The following ZNF766 variants were observed in gnomAD, a reference collection of about 807,000 sequenced individuals.
ZNF766 encodes zinc finger protein 766.
In ZNF766, 13 loss-of-function variants were observed where a neutral mutation model predicts 13.2. The ratio of observed to expected loss-of-function variants is 0.98; its 90% confidence interval spans 0.64 to 1.56. The LOEUF (loss-of-function observed/expected upper bound fraction) is 1.56. Among genes scored for constraint, ZNF766 ranks in the 40% most tolerant of loss-of-function variants. ZNF766 has a pLI of 0.00. For synonymous variants in ZNF766, 178 were observed against 187.6 expected (o/e 0.95, Z 0.42); for missense variants, 521 against 552.2 (o/e 0.94, Z 0.57).
chr19:52,288,383 T>C (rs60315031), intron 3 of ZNF766, among the ~76,000 whole-genome samples: 2,998 of 152,086 alleles, frequency 0.02, 89 homozygotes, highest in African/African-American at 0.062. Context: ...TTCATTGTAG[T>C]TTAGTTATTT....
Position 52,290,145 on chromosome 19 carries a change from G to C in ZNF766, c.354G>C (p.Leu118=), listed in dbSNP as rs1292847020. ...NQLGLTFQLP[L]PELEIFQGEG... ...TTGGATTAACCTTTCAGTTACCTCTGCCAGAACTGGAGATATTTCAAGGTG... is the reference window on the plus strand; with the variant it reads ...TTGGATTAACCTTTCAGTTACCTCTCCCAGAACTGGAGATATTTCAAGGTG... Residue 118 remains leucine (L), a synonymous_variant, in exon 4 of 4, where the codon CTG becomes CTC. Transcript: ENST00000439461. The C allele has an allele frequency of 1.2e-6, 2 of 1,614,138 alleles. No individual in the cohort carries two copies.
intron 3 of ZNF766, among the ~76,000 whole-genome samples, chr19:52,287,148 T>C (rs1981871610): frequency 1.3e-5 from 2 of 151,538 alleles, no homozygotes; most frequent in Non-Finnish European, 2.9e-5. Flanking sequence ...TCTGCAGTTT[T>C]CTTTTTTTTT....
chr19:52,288,848 T>C (rs767406322), intron 3 of ZNF766, among the ~76,000 whole-genome samples: 3 of 151,872 alleles, frequency 2.0e-5, no homozygotes, highest in Non-Finnish European at 4.4e-5. Flanking sequence ...TTTATTTACT[T>C]TTATTTATTT....
rs917086523 is a variant in ZNF766, at chr19:52,294,699, A to G, written c.*3501A>G. ...GTGTAAAAGGCGTTGGTGTTCAGAC[A>G]TCACAAAATGCAGTCAACTCTAGGA... On this transcript the variant is annotated 3_prime_UTR_variant, in exon 4 of 4. Transcript: ENST00000439461. 6.6e-6 allele frequency: 1 copy of G among 152,206 alleles called. No individual in the cohort carries two copies. Among genetic ancestry groups the G allele is most frequent in the Non-Finnish European group, 1.5e-5 (1 of 68,040 alleles). The allele number at this position is 152,206 out of a possible 1,614,324, so 9.4% of individuals were successfully genotyped here. A position where few individuals can be genotyped will look rare whatever the true frequency, so the allele number is the denominator to read the frequency against.
chr19:52,281,413 G>A, intron 1 of ZNF766: 1 of 277,494 alleles, frequency 3.6e-6, no homozygotes, highest in South Asian at 3.0e-5. Flanking sequence ...TAGCTGCTCG[G>A]GAGGCTGAGG....
Position 52,292,284 on chromosome 19 carries a change from C to G in ZNF766, c.*1086C>G. The stretch of plus-strand genomic sequence containing the variant: ...ATTAAAGATTGTCTGATTTAGAGAC[C>G]ATGGAGGTGGACAGAGAATAACAAA... On this transcript the variant is annotated 3_prime_UTR_variant, in exon 4 of 4. Coordinates refer to ENST00000439461, the MANE Select transcript of ZNF766 (RefSeq NM_001010851.3). 1 of 675,448 alleles carries G rather than the reference C, an allele frequency of 1.5e-6. No homozygotes were observed. Among genetic ancestry groups the G allele is most frequent in the Non-Finnish European group, 2.7e-6 (1 of 374,078 alleles). The allele number at this position is 675,448 out of a possible 1,614,324, so 41.8% of individuals were successfully genotyped here. A position where few individuals can be genotyped will look rare whatever the true frequency, so the allele number is the denominator to read the frequency against.
intron 3 of ZNF766, chr19:52,288,013 AT>A (rs1366621419): frequency 2.5e-6 from 1 of 407,864 alleles, no homozygotes; most frequent in Non-Finnish European, 4.7e-6. Flanking sequence ...CTTAGTGTTC[AT>A]TTTTTTCTTT....
In ZNF766 at chr19:52,283,375, AT is replaced by A; in HGVS notation, c.237del (p.Pro80GlnfsTer18). 6.2e-7 allele frequency: 1 copy of A among 1,611,230 alleles called. No individual in the cohort carries two copies. The highest frequency in any genetic ancestry group is 8.5e-7 in the Non-Finnish European group (1 of 1,178,326). ...TVENEMKVAK[N>X]PDRWEGIKDI... ...GAGAATGAAATGAAAGTAGCAAAAA[AT>A]CCAGATAGGTGGGAAGGTATCAAAG... On this transcript the variant is annotated frameshift_variant, in exon 3 of 4. Coordinates refer to ENST00000439461, the MANE Select transcript of ZNF766 (RefSeq NM_001010851.3). LOFTEE classifies it low-confidence loss of function (END_TRUNC).
Position 52,280,657 on chromosome 19 carries a change from A to G in ZNF766, c.19-1454A>G, listed in dbSNP as rs572325938. ...GAGTGCAGTGGCGTGATCTCAGCTC[A>G]CTGCAGCCTCCGCCTCCTGGGTTCA... On this transcript the variant is annotated intron_variant, in intron 1 of 3. Coordinates refer to ENST00000439461, the MANE Select transcript of ZNF766 (RefSeq NM_001010851.3). Among the ~76,000 whole-genome samples, 236 of 152,054 alleles carry G rather than the reference A, an allele frequency of 1.6e-3. 1 individual carries two copies. Among genetic ancestry groups the G allele is most frequent in the Non-Finnish European group, 3.2e-3 (215 of 67,954 alleles).
chr19:52,290,197 G>A lies in ZNF766; in HGVS notation c.406G>A (p.Val136Ile). The A allele has an allele frequency of 3.1e-6, 5 of 1,613,996 alleles. No homozygotes were observed. Among genetic ancestry groups the A allele is most frequent in the Non-Finnish European group, 1.7e-6 (2 of 1,179,908 alleles). ...GEGKIYECNQ[V>I]QKFISHSSSV... ...AGGGAAGATTTATGAATGTAATCAA[G>A]TTCAAAAGTTCATCAGCCACAGTTC... The change falls in exon 4 of 4, where the codon GTT becomes ATT. Residue 136 changes from valine (V) to isoleucine (I), a missense_variant. Physicochemically the swap from Val to Ile is conservative, Grantham distance 29 (BLOSUM62 3). Transcript: ENST00000439461.
chr19:52,282,041 C>G, intron 1 of ZNF766, 70 bp from the exon 2 acceptor site: 2 of 1,552,030 alleles, frequency 1.3e-6, no homozygotes, highest in Admixed American at 1.8e-5. Context: ...CCTTACAACC[C>G]TCTTCTCATT....
chr19:52,280,754 T>C (rs185784142), intron 1 of ZNF766, among the ~76,000 whole-genome samples: 1 of 151,944 alleles, frequency 6.6e-6, no homozygotes, highest in Non-Finnish European at 1.5e-5. Flanking sequence ...AGCTAATTAT[T>C]ATATTTTTAG....
chr19:52,291,876 A>G lies in ZNF766; in HGVS notation c.*678A>G, dbSNP rs370088872. 14 of 386,492 alleles carry G rather than the reference A, an allele frequency of 3.6e-5. No homozygotes were observed. Among genetic ancestry groups the G allele is most frequent in the East Asian group, 2.5e-4 (6 of 23,588 alleles). The allele number at this position is 386,492 out of a possible 1,614,324, so 23.9% of individuals were successfully genotyped here. A position where few individuals can be genotyped will look rare whatever the true frequency, so the allele number is the denominator to read the frequency against. On this transcript the variant is annotated 3_prime_UTR_variant, in exon 4 of 4. Coordinates refer to ENST00000439461, the MANE Select transcript of ZNF766 (RefSeq NM_001010851.3). ...GGTCACTTGATGCCTGGAGATCAAG[A>G]TAAGTATGGGCAACGTAGCAAGGCC...
At position 52,290,653 on chromosome 19, in the gene ZNF766, C is replaced by T. The variant is rs751310737; in HGVS notation, c.862C>T (p.Arg288Ter). The change falls in exon 4 of 4, where the codon CGA becomes TGA. Residue 288 changes from arginine (R) to a stop codon, truncating the protein, a stop_gained. Transcript: ENST00000439461. LOFTEE classifies it low-confidence loss of function (END_TRUNC). The part of the protein sequence containing the change: ...KVFSRITYLV[R>*]HQKIHTREKP... The stretch of plus-strand genomic sequence containing the variant: ...CTTCAGTCGAATTACATACCTTGTA[C>T]GACATCAGAAAATTCATACTAGAGA... 41 of 1,613,098 alleles carry T rather than the reference C, an allele frequency of 2.5e-5. No homozygotes were observed. Among genetic ancestry groups the T allele is most frequent in the East Asian group, 6.7e-5 (3 of 44,836 alleles).
chr19:52,277,345 G>C, intron 1 of ZNF766: 1 of 977,012 alleles, frequency 1.0e-6, no homozygotes, highest in Non-Finnish European at 1.5e-6. Flanking sequence ...TGTAGTCCCA[G>C]CTACTCAGGA....
rs1369354808 is a variant in ZNF766 at position 52,294,794 on chromosome 19, A to T, written c.*3596A>T. The T allele has an allele frequency of 7.0e-6, 1 of 142,762 alleles. No homozygotes were observed. Among genetic ancestry groups the T allele is most frequent in the African/African-American group, 2.5e-5 (1 of 39,804 alleles). The allele number at this position is 142,762 out of a possible 1,614,324, so 8.8% of individuals were successfully genotyped here. ...AGACTCTGATTTTCTTCATGATAAT[A>T]TCTTACGTTCCTTTTATAGTTACAG... On this transcript the variant is annotated 3_prime_UTR_variant, in exon 4 of 4. Coordinates refer to ENST00000439461, the MANE Select transcript of ZNF766 (RefSeq NM_001010851.3).
At position 52,292,427 on chromosome 19, in the gene ZNF766, G is replaced by A; in HGVS notation, c.*1229G>A. The A allele has an allele frequency of 2.2e-6, 1 of 451,696 alleles. No homozygotes were observed. The allele number at this position is 451,696 out of a possible 1,614,324, so 28.0% of individuals were successfully genotyped here. On this transcript the variant is annotated 3_prime_UTR_variant, in exon 4 of 4. Transcript: ENST00000439461. The stretch of plus-strand genomic sequence containing the variant: ...GAGCACGCCATGACTTTAGGACACA[G>A]GGATTTTTATGGGAAGAGAGTTCAT...
At chr19:52,283,540 C>G (rs1981650561) in intron 3 of ZNF766, 127 bp downstream of exon 3, 1 of 1,264,428 alleles carries the variant, frequency 7.9e-7, no homozygotes, top group African/African-American at 1.5e-5. Context: ...TGGGCTTCAA[C>G]AGTCCTCCTG....
At position 52,291,117 on chromosome 19, in the gene ZNF766, T is replaced by C. The variant is rs371165867; in HGVS notation, c.1326T>C (p.His442=). ...CTGGAGAGAAACCTTACAAATGCCATGTGTGTGGTAAGGTCTTTAGGCACA... is the reference window on the plus strand; with the variant it reads ...CTGGAGAGAAACCTTACAAATGCCACGTGTGTGGTAAGGTCTTTAGGCACA... The part of the protein sequence containing the change: ...IHTGEKPYKC[H]VCGKVFRHSS... The change falls in exon 4 of 4, where the codon CAT becomes CAC. Residue 442 remains histidine, a synonymous_variant. Coordinates refer to ENST00000439461, the MANE Select transcript of ZNF766 (RefSeq NM_001010851.3). The C allele has an allele frequency of 3.7e-6, 6 of 1,613,970 alleles. No homozygotes were observed. Among genetic ancestry groups the C allele is most frequent in the Admixed American group, 1.7e-5 (1 of 60,006 alleles).
Sources: allele counts gnomAD v4.1 joint callset (sites outside exome capture counted in the v4.1 genomes callset), GRCh38; gene constraint gnomAD v4.1.1; transcripts MANE v1.5; gene names NCBI Gene and HGNC (gene_info 2026-07-23, HGNC 2026-07-21).